MAP6: variants seen among roughly 807,000 people sequenced by gnomAD.
MAP6 encodes the protein microtubule-associated protein 6.
MAP6 carries 26 observed loss-of-function variants against 42.4 expected under a neutral mutation model. That is an observed-to-expected ratio of 0.61 (90% confidence interval 0.45 to 0.85). The LOEUF (loss-of-function observed/expected upper bound fraction) is 0.85, where lower values mean the gene tolerates loss of function less well. Among genes scored for constraint, MAP6 ranks in the 40% least tolerant of loss-of-function variants. The pLI is 0.00. For missense variants in MAP6, 966 were observed against 1,099.0 expected (o/e 0.88, Z 1.71); for synonymous variants, 418 against 443.8 (o/e 0.94, Z 0.73).
At chr11:75,607,921 C>T (rs147349001) in intron 2 of MAP6, among the ~76,000 whole-genome samples, 188 bp downstream of exon 2, 1 of 152,312 alleles carries the variant, frequency 6.6e-6, no homozygotes, top group African/African-American at 2.4e-5. Flanking sequence ...CTTTAATATT[C>T]CCTTTGAGTT....
chr11:75,641,431 T>A (rs1943469146), intron 1 of MAP6, among the ~76,000 whole-genome samples: 1 of 151,860 alleles, frequency 6.6e-6, no homozygotes, highest in African/African-American at 2.4e-5. Context: ...CATGTATACA[T>A]ATGTAACAAA....
intron 1 of MAP6, among the ~76,000 whole-genome samples, chr11:75,614,261 G>A (rs189852096): frequency 3.9e-5 from 6 of 152,276 alleles, no homozygotes; most frequent in South Asian, 2.1e-4. Context: ...AGCCAGGGAC[G>A]GGGTGTAAAG....
chr11:75,602,479 C>A (rs1403905092), intron 3 of MAP6, among the ~76,000 whole-genome samples: 4 of 152,162 alleles, frequency 2.6e-5, no homozygotes, highest in Non-Finnish European at 5.9e-5. Context: ...GGCATCTCTG[C>A]CATCCCTTGG....
At chr11:75,595,481 A>G (rs940164014) in intron 3 of MAP6, among the ~76,000 whole-genome samples, 5 of 152,186 alleles carry the variant, frequency 3.3e-5, no homozygotes, top group African/African-American at 1.2e-4. Context: ...TCCCTTGGAC[A>G]GTGTAACTCC....
Position 75,668,062 on chromosome 11 carries a change from CCGCTCCGGCCGGGGCCCGCCGCCGGCT to C in MAP6, c.281_307del (p.Glu94_Ser102del). On this transcript the variant is annotated inframe_deletion, in exon 1 of 4. Coordinates refer to ENST00000304771, the MANE Select transcript of MAP6 (RefSeq NM_033063.2). ...GCCGGAGCCCAGGCCCGGGCCCGGC[CCGCTCCGGCCGGGGCCCGCCGCCGGCT>C]CGCGCTCGCCGGTAGGCCCAGGCGC... 1.6e-6 allele frequency: 2 copies of C among 1,228,178 alleles called. No homozygotes were observed. Among genetic ancestry groups the C allele is most frequent in the African/African-American group, 1.6e-5 (1 of 63,622 alleles). The allele number at this position is 1,228,178 out of a possible 1,614,324, so 76.1% of individuals were successfully genotyped here. A position where few individuals can be genotyped will look rare whatever the true frequency, so the allele number is the denominator to read the frequency against.
intron 1 of MAP6, among the ~76,000 whole-genome samples, chr11:75,659,200 G>A (rs1943801093): frequency 6.6e-6 from 1 of 152,182 alleles, no homozygotes; most frequent in South Asian, 2.1e-4. Context: ...AACCTAAAGG[G>A]GCTGAGCGCG....
chr11:75,604,328 G>A (rs746896810), intron 3 of MAP6: 190 of 985,534 alleles, frequency 1.9e-4, no homozygotes, highest in Admixed American at 5.5e-4. Context: ...GAGAGAGTTC[G>A]TGGAGGCTCC....
intron 1 of MAP6, among the ~76,000 whole-genome samples, chr11:75,664,291 T>C (rs967964595): frequency 3.3e-5 from 5 of 152,226 alleles, no homozygotes; most frequent in South Asian, 2.1e-4. Context: ...CTCAGGCTGA[T>C]ATGAATGGAT....
chr11:75,644,098 G>A (rs888372188), intron 1 of MAP6, among the ~76,000 whole-genome samples: 25 of 152,232 alleles, frequency 1.6e-4, no homozygotes, highest in African/African-American at 5.8e-4. Flanking sequence ...ATCTGCTCGG[G>A]AGTGCTAAAC....
chr11:75,596,927 C>A (rs1942588430), intron 3 of MAP6, among the ~76,000 whole-genome samples: 1 of 152,244 alleles, frequency 6.6e-6, no homozygotes, highest in Non-Finnish European at 1.5e-5. Flanking sequence ...CGATGCACAT[C>A]TCTGCAACAG....
At chr11:75,634,160 G>A (rs1406978769) in intron 1 of MAP6, among the ~76,000 whole-genome samples, 1 of 152,176 alleles carries the variant, frequency 6.6e-6, no homozygotes, top group Non-Finnish European at 1.5e-5. Context: ...CTGAATGAGT[G>A]AAGAATCTTA....
intron 1 of MAP6, among the ~76,000 whole-genome samples, chr11:75,634,330 G>A (rs1943333640): frequency 6.6e-6 from 1 of 152,200 alleles, no homozygotes; most frequent in Non-Finnish European, 1.5e-5. Context: ...AGGCTGGAGT[G>A]CCAGGGCGTG....
intron 1 of MAP6, among the ~76,000 whole-genome samples, chr11:75,640,173 T>G (rs1263026167): frequency 7.0e-6 from 1 of 143,540 alleles, no homozygotes; most frequent in African/African-American, 2.6e-5. Flanking sequence ...CATACACCCC[T>G]CCCCAACCAA....
In MAP6 at chr11:75,603,596, G is replaced by T. The variant is rs1263925097; in HGVS notation, c.1316+2212C>A. The T allele has an allele frequency of 1.4e-5, 8 of 574,912 alleles. No homozygotes were observed. In the East Asian group the frequency reaches 1.5e-3, roughly 106 times the overall value. 35.6% of individuals were successfully genotyped at this position (574,912 alleles called of 1,614,324 possible). ...GAAGTTGGTCCCTGGGGCAGTGAGT[G>T]GGGGCGGGGGGTGGGGAAGCCTGTG... On this transcript the variant is annotated intron_variant, in intron 3 of 3. Transcript: ENST00000304771.
At chr11:75,604,596 G>T (rs2135584621) in intron 3 of MAP6, 1 of 984,694 alleles carries the variant, frequency 1.0e-6, no homozygotes, top group Middle Eastern at 5.2e-4. Context: ...CAAGCACTGG[G>T]GTTTTTTTTT....
intron 3 of MAP6, chr11:75,604,445 C>G: frequency 2.0e-6 from 2 of 985,448 alleles, no homozygotes; most frequent in Non-Finnish European, 1.2e-6. Context: ...TGCGCCGGGG[C>G]TTGACACCGG....
At chr11:75,613,426 G>A (rs973164280) in intron 1 of MAP6, among the ~76,000 whole-genome samples, 6 of 152,144 alleles carry the variant, frequency 3.9e-5, no homozygotes, top group African/African-American at 1.4e-4. Flanking sequence ...CAGTCAGCCT[G>A]GGTGTACACC....
At chr11:75,661,704 A>C (rs1212882009) in intron 1 of MAP6, among the ~76,000 whole-genome samples, 4 of 152,100 alleles carry the variant, frequency 2.6e-5, no homozygotes, top group African/African-American at 9.7e-5. Flanking sequence ...TATCTTATAA[A>C]AACATAAAGC....
chr11:75,587,799 C>T lies in MAP6; in HGVS notation c.1702G>A (p.Glu568Lys), dbSNP rs762436201. ...SLKDQGPRIP[E>K]PVKNQAPMVP... is the part of the protein sequence containing the mutation. Reference sequence around the variant, plus strand: ...ATAGGAGCTTGATTCTTCACAGGCTCAGGAATCCTAGGACCTTGATCCTTT... The same window carrying T: ...ATAGGAGCTTGATTCTTCACAGGCTTAGGAATCCTAGGACCTTGATCCTTT... The change falls in exon 4 of 4, where the codon GAG becomes AAG. Residue 568 changes from glutamate to lysine, a missense_variant. Physicochemically the swap from Glu to Lys is moderately conservative, Grantham distance 56. Around this residue, in one of 2 missense-constraint regions of MAP6, gnomAD observed 943 missense variants for 1,049.9 expected, o/e 0.90. Transcript: ENST00000304771. The T allele has an allele frequency of 6.2e-7, 1 of 1,614,126 alleles. No homozygotes were observed. The highest frequency in any genetic ancestry group is 2.2e-5 in the East Asian group (1 of 44,874).
Sources: allele counts gnomAD v4.1 joint callset (sites outside exome capture counted in the v4.1 genomes callset), GRCh38; gene constraint gnomAD v4.1.1; regional missense constraint gnomAD v4.1.1; transcripts MANE v1.5; gene names NCBI Gene and HGNC (gene_info 2026-07-23, HGNC 2026-07-21).